GLT8D2: variants seen among roughly 807,000 people sequenced by gnomAD.
The protein encoded by GLT8D2 is glycosyltransferase 8 domain-containing protein 2.
A neutral mutation model predicts 44.5 loss-of-function variants in GLT8D2; 45 were observed. That is an observed-to-expected ratio of 1.01 (90% CI 0.80 to 1.30). The LOEUF (loss-of-function observed/expected upper bound fraction) is 1.30, where lower values mean the gene tolerates loss of function less well. GLT8D2 is among the 50% of genes most tolerant of loss of function. The probability of loss-of-function intolerance (pLI) is 0.00; values close to 1 mark genes in which losing one functional copy is unlikely to be tolerated. For synonymous variants in GLT8D2, 156 were observed against 157.2 expected, an observed-to-expected ratio of 0.99 and a Z score of 0.06; for missense variants, 400 against 430.4, an observed-to-expected ratio of 0.93 and a Z score of 0.62.
chr12:104,023,824 A>G (rs1184385295), intron 1 of GLT8D2, among the ~76,000 whole-genome samples: 2 of 152,192 alleles, frequency 1.3e-5, no homozygotes, highest in Non-Finnish European at 2.9e-5. Flanking sequence ...TTCAATTAGC[A>G]TAATGTTTTT....
At position 103,994,399 on chromosome 12, in the gene GLT8D2, T is replaced by C. The variant is rs1280918251; in HGVS notation, c.703A>G (p.Met235Val). The change falls in exon 9 of 11, where the codon ATG becomes GTG. Residue 235 changes from methionine to valine, a missense_variant. By Grantham distance (21) the Met-to-Val change is conservative (BLOSUM62 1). Transcript: ENST00000360814. ...SFNPGVIVAN[M>V]TEWKHQRITK... ...ATGCGCTGGTGCTTCCATTCTGTCATGTTGGCAACAATCACACCAGGATTG... is the reference window on the plus strand; with the variant it reads ...ATGCGCTGGTGCTTCCATTCTGTCACGTTGGCAACAATCACACCAGGATTG... 1 of 1,614,148 alleles carries C rather than the reference T, an allele frequency of 6.2e-7. No homozygotes were observed. The highest frequency in any genetic ancestry group is 2.2e-5 in the East Asian group (1 of 44,882).
chr12:104,017,995 G>T (rs565401094), intron 3 of GLT8D2, among the ~76,000 whole-genome samples: 1 of 151,958 alleles, frequency 6.6e-6, no homozygotes, highest in East Asian at 1.9e-4. Context: ...TTGAGACAGG[G>T]TCTCACCTCA....
chr12:104,062,858 G>A (rs1053294356), intron 1 of GLT8D2, among the ~76,000 whole-genome samples: 5 of 152,024 alleles, frequency 3.3e-5, no homozygotes, highest in Non-Finnish European at 7.4e-5. Flanking sequence ...TATAGACCAG[G>A]GGTCCCCAGT....
intron 10 of GLT8D2, among the ~76,000 whole-genome samples, chr12:103,991,668 CTA>C (rs1872752501): frequency 6.6e-6 from 1 of 152,048 alleles, no homozygotes; most frequent in South Asian, 2.1e-4. Context: ...CCCAACATGA[CTA>C]TAAATCAAAT....
Position 103,994,460 on chromosome 12 carries a change from G to A in GLT8D2, c.642C>T (p.Ile214=), listed in dbSNP as rs371697838. Residue 214 remains isoleucine, a synonymous_variant, in exon 9 of 11, where the codon ATC becomes ATT. Transcript: ENST00000360814. ...MGYLDYRKKA[I]KDLGISPSTC... is the part of the protein sequence containing the mutation. ...TGCTGGGGCTGATGCCAAGGTCCTT[G>A]ATGGCCTTCTTCCGGTAGTCCAGAT... The A allele has an allele frequency of 1.2e-5, 20 of 1,613,986 alleles. No individual in the cohort carries two copies. The highest frequency in any genetic ancestry group is 1.6e-5 in the Non-Finnish European group (19 of 1,179,982).
chr12:103,992,215 G>A (rs1282933145), intron 10 of GLT8D2, among the ~76,000 whole-genome samples: 1 of 152,090 alleles, frequency 6.6e-6, no homozygotes, highest in Non-Finnish European at 1.5e-5. Context: ...CATGTATTCC[G>A]TAACCTGCCC....
At chr12:104,009,470 G>A (rs1256603923) in intron 4 of GLT8D2, among the ~76,000 whole-genome samples, 1 of 152,204 alleles carries the variant, frequency 6.6e-6, no homozygotes, top group Admixed American at 6.5e-5. Context: ...TAACTAGCTT[G>A]CTTTTGATTT....
intron 5 of GLT8D2, among the ~76,000 whole-genome samples, chr12:104,002,264 C>G (rs1376577448): frequency 6.6e-6 from 1 of 152,178 alleles, no homozygotes; most frequent in Non-Finnish European, 1.5e-5. Context: ...CAGCCTACAA[C>G]ACCTTTTCAT....
At chr12:104,045,931 G>T (rs1163672926) in intron 1 of GLT8D2, among the ~76,000 whole-genome samples, 1 of 137,048 alleles carries the variant, frequency 7.3e-6, no homozygotes, top group Non-Finnish European at 1.6e-5. Flanking sequence ...AAGAAAGAAA[G>T]AAAGAAAAAG....
intron 5 of GLT8D2, among the ~76,000 whole-genome samples, chr12:104,000,443 C>G (rs548625860): frequency 6.6e-6 from 1 of 152,212 alleles, no homozygotes; most frequent in East Asian, 1.9e-4. Flanking sequence ...TGAGAACATG[C>G]TGGATGTTAC....
At chr12:104,061,459 C>T (rs965130819) in intron 1 of GLT8D2, among the ~76,000 whole-genome samples, 6 of 152,110 alleles carry the variant, frequency 3.9e-5, no homozygotes, top group African/African-American at 1.4e-4. Flanking sequence ...AAGTACAGTT[C>T]TTTAAATTAA....
At chr12:104,015,230 T>C (rs1876395482) in intron 3 of GLT8D2, 125 bp from the exon 4 acceptor site, 3 of 667,142 alleles carry the variant, frequency 4.5e-6, no homozygotes, top group Non-Finnish European at 7.9e-6. Flanking sequence ...GAGACCTTTC[T>C]ATAAGCAGAC....
At chr12:104,005,929 C>T (rs1874940218) in intron 4 of GLT8D2, among the ~76,000 whole-genome samples, 1 of 152,200 alleles carries the variant, frequency 6.6e-6, no homozygotes, top group Non-Finnish European at 1.5e-5. Context: ...AAGACACATG[C>T]ACACGTATGT....
At chr12:104,039,956 C>G (rs1258452986) in intron 1 of GLT8D2, among the ~76,000 whole-genome samples, 2 of 152,308 alleles carry the variant, frequency 1.3e-5, no homozygotes, top group African/African-American at 4.8e-5. Flanking sequence ...CCATGGAATA[C>G]TATGCAGCCA....
At chr12:104,063,541 A>T (rs886493682) in intron 1 of GLT8D2, among the ~76,000 whole-genome samples, 4 of 152,180 alleles carry the variant, frequency 2.6e-5, no homozygotes, top group Non-Finnish European at 4.4e-5. Flanking sequence ...CCCTATCTAA[A>T]ATAAATAAAT....
intron 9 of GLT8D2, chr12:103,993,762 G>A (rs1263932956): frequency 2.0e-5 from 7 of 348,902 alleles, no homozygotes; most frequent in Non-Finnish European, 3.1e-5. Flanking sequence ...GTTTTAAATA[G>A]TAGACACAGG....
chr12:104,064,416 A>G (rs2136581022), upstream of GLT8D2: 1 of 720,676 alleles, frequency 1.4e-6, no homozygotes, highest in East Asian at 3.4e-5. This position sits in a 1 kb window ranked among gnomAD's most constrained non-coding sequence, Gnocchi z 7.3. Context: ...GCGTCTCTCC[A>G]CTGCCCGCGG....
chr12:104,000,313 A>G (rs1028418042), intron 5 of GLT8D2, among the ~76,000 whole-genome samples: 105 of 152,348 alleles, frequency 6.9e-4, no homozygotes, highest in African/African-American at 2.5e-3. Context: ...AAATGGTTAC[A>G]AAGTGTGTGG....
At position 103,989,259 on chromosome 12, in the gene GLT8D2, A is replaced by G; in HGVS notation, c.*149T>C. The G allele has an allele frequency of 3.5e-6, 2 of 576,410 alleles. No individual in the cohort carries two copies. The highest frequency in any genetic ancestry group is 5.9e-6 in the Non-Finnish European group (2 of 336,608). The allele number at this position is 576,410 out of a possible 1,614,324, so 35.7% of individuals were successfully genotyped here. On this transcript the variant is annotated 3_prime_UTR_variant, in exon 11 of 11. Coordinates refer to ENST00000360814, the MANE Select transcript of GLT8D2 (RefSeq NM_001384711.1). ...AAGTTAATCAATGCCTATATGGTCC[A>G]AGGTATAATTTGCACACAGTAGTTT...
Sources: allele counts gnomAD v4.1 joint callset (sites outside exome capture counted in the v4.1 genomes callset), GRCh38; gene constraint gnomAD v4.1.1; non-coding constraint Gnocchi (gnomAD v3.1); transcripts MANE v1.5; gene names NCBI Gene and HGNC (gene_info 2026-07-23, HGNC 2026-07-21).